The following NUBPL variants were observed in gnomAD, a reference collection of about 807,000 sequenced individuals.
NUBPL encodes NUBP iron-sulfur cluster assembly factor, mitochondrial.
NUBPL carries 31 observed loss-of-function variants against 45.7 expected under a neutral mutation model. The ratio of observed to expected loss-of-function variants is 0.68; its 90% CI spans 0.51 to 0.92. The LOEUF (loss-of-function observed/expected upper bound fraction) is 0.92. NUBPL is among the 40% of genes least tolerant of loss of function. The probability of loss-of-function intolerance (pLI) is 0.00; values close to 1 mark genes in which losing one functional copy is unlikely to be tolerated. For missense variants in NUBPL, 401 were observed against 398.7 expected (o/e 1.01, Z -0.05); for synonymous variants, 144 against 140.9 (o/e 1.02, Z -0.15).
chr14:31,568,487 A>G (rs984173901), intron 3 of NUBPL, among the ~76,000 whole-genome samples: 1 of 152,258 alleles, frequency 6.6e-6, no homozygotes, highest in Non-Finnish European at 1.5e-5. Context: ...CAGAACTAAC[A>G]TTAGAATTCT....
chr14:31,561,428 G>T lies in NUBPL; in HGVS notation c.-12G>T, dbSNP rs781167556. 1 of 1,387,990 alleles carries T rather than the reference G, an allele frequency of 7.2e-7. No homozygotes were observed. The highest frequency in any genetic ancestry group is 2.8e-5 in the Admixed American group (1 of 35,814). The allele number at this position is 1,387,990 out of a possible 1,614,324, so 86.0% of individuals were successfully genotyped here. A position where few individuals can be genotyped will look rare whatever the true frequency, so the allele number is the denominator to read the frequency against. Reference sequence around the variant, plus strand: ...CAGTTTCCCAGCAGGGCTCACAGCAGCGTTCCGCGTCATGGGGATTTGGCA... The same window carrying T: ...CAGTTTCCCAGCAGGGCTCACAGCATCGTTCCGCGTCATGGGGATTTGGCA... On this transcript the variant is annotated 5_prime_UTR_variant, in exon 1 of 11. Coordinates refer to ENST00000281081, the MANE Select transcript of NUBPL (RefSeq NM_025152.3).
intron 6 of NUBPL, among the ~76,000 whole-genome samples, chr14:31,727,825 T>G (rs570750486): frequency 2.0e-4 from 31 of 152,346 alleles, no homozygotes; most frequent in African/African-American, 7.5e-4. Context: ...GTATGTTTTC[T>G]TGTCACATCA....
At chr14:31,629,598 T>C (rs1248282746) in intron 4 of NUBPL, among the ~76,000 whole-genome samples, 1 of 152,142 alleles carries the variant, frequency 6.6e-6, no homozygotes. Flanking sequence ...CACACAGATA[T>C]AGCAGTATAA....
intron 4 of NUBPL, among the ~76,000 whole-genome samples, chr14:31,651,914 GAAA>G (rs1425961523): frequency 6.9e-6 from 1 of 145,084 alleles, no homozygotes; most frequent in African/African-American, 2.6e-5. Context: ...AAAAAAAAAA[GAAA>G]AAAAGAAAAA....
In NUBPL at chr14:31,678,330, A is replaced by T. The variant is rs1231848695; in HGVS notation, c.513+4756A>T. On this transcript the variant is annotated intron_variant, in intron 6 of 10. Coordinates refer to ENST00000281081, the MANE Select transcript of NUBPL (RefSeq NM_025152.3). Reference sequence around the variant, plus strand: ...TAAGGTGCCAGGCAAAGTCTCCTTTACTTTTCCCTTTGCTTTTATCAAGTA... The same window carrying T: ...TAAGGTGCCAGGCAAAGTCTCCTTTTCTTTTCCCTTTGCTTTTATCAAGTA... 2.0e-5 allele frequency among the ~76,000 whole-genome samples: 3 copies of T among 152,144 alleles called. No homozygotes were observed. In the South Asian group the frequency reaches 6.2e-4, roughly 32 times the overall value.
intron 6 of NUBPL, among the ~76,000 whole-genome samples, chr14:31,711,184 G>T (rs1449027077): frequency 6.6e-6 from 1 of 152,172 alleles, no homozygotes; most frequent in Non-Finnish European, 1.5e-5. Context: ...GGACCCCGGA[G>T]CTGAATGGCT....
At chr14:31,777,385 GC>G (rs2039115907) in intron 6 of NUBPL, among the ~76,000 whole-genome samples, 1 of 152,180 alleles carries the variant, frequency 6.6e-6, no homozygotes, top group East Asian at 1.9e-4. Flanking sequence ...CTTATGAGAG[GC>G]ACTCAAATGT....
chr14:31,827,362 A>C (rs1369902645), intron 8 of NUBPL, among the ~76,000 whole-genome samples: 6 of 151,804 alleles, frequency 4.0e-5, no homozygotes, highest in African/African-American at 9.7e-5. Flanking sequence ...AAAAAAAAAA[A>C]AAACTGGATG....
At chr14:31,649,264 G>T (rs1470045251) in intron 4 of NUBPL, among the ~76,000 whole-genome samples, 1 of 152,174 alleles carries the variant, frequency 6.6e-6, no homozygotes, top group African/African-American at 2.4e-5. Context: ...AAATTTACAA[G>T]AGTTGCTTAT....
rs563908295 is a variant in NUBPL at position 31,788,643 on chromosome 14, C to A, written c.607+770C>A. On this transcript the variant is annotated intron_variant, in intron 7 of 10. Coordinates refer to ENST00000281081, the MANE Select transcript of NUBPL (RefSeq NM_025152.3). ...ATTTCCCCTTTGCCCTCTTTCTCTTCATATCAGCATGTACCTAGCTACATT... is the reference window on the plus strand; with the variant it reads ...ATTTCCCCTTTGCCCTCTTTCTCTTAATATCAGCATGTACCTAGCTACATT... Among the ~76,000 whole-genome samples the A allele has an allele frequency of 7.2e-5, 11 of 152,314 alleles. No homozygotes were observed. In the East Asian group the frequency reaches 2.1e-3, roughly 29 times the overall value.
At chr14:31,577,818 C>A (rs1408540713) in intron 3 of NUBPL, 3 of 220,772 alleles carry the variant, frequency 1.4e-5, no homozygotes, top group Non-Finnish European at 2.3e-5. Flanking sequence ...CTTCTTTGCC[C>A]AGCTCCTGTC....
chr14:31,679,367 C>T (rs2036775527), intron 6 of NUBPL, among the ~76,000 whole-genome samples: 1 of 152,054 alleles, frequency 6.6e-6, no homozygotes, highest in Non-Finnish European at 1.5e-5. Context: ...CCTTCTATTC[C>T]ACCATCTTGC....
At chr14:31,588,594 T>C (rs1196471988) in intron 3 of NUBPL, among the ~76,000 whole-genome samples, 1 of 152,118 alleles carries the variant, frequency 6.6e-6, no homozygotes, top group African/African-American at 2.4e-5. Flanking sequence ...CTTTAATATG[T>C]TAATTTTTTT....
At chr14:31,807,570 G>A (rs1457580866) in intron 7 of NUBPL, among the ~76,000 whole-genome samples, 6 of 152,094 alleles carry the variant, frequency 3.9e-5, no homozygotes, top group Non-Finnish European at 7.3e-5. Context: ...CATTCTGTAG[G>A]TTGCCTGTTC....
At chr14:31,582,177 A>T (rs1229904292) in intron 3 of NUBPL, among the ~76,000 whole-genome samples, 13 of 152,094 alleles carry the variant, frequency 8.5e-5, no homozygotes, top group Admixed American at 8.5e-4. Context: ...AAATTTTATC[A>T]TAGTAGGGAC....
intron 8 of NUBPL, among the ~76,000 whole-genome samples, chr14:31,833,903 T>A (rs2040232516): frequency 6.6e-6 from 1 of 152,176 alleles, no homozygotes; most frequent in Admixed American, 6.5e-5. Flanking sequence ...CTAAGAAATA[T>A]CAATTAGTTG....
intron 6 of NUBPL, among the ~76,000 whole-genome samples, chr14:31,675,781 C>G (rs1012754314): frequency 1.3e-5 from 2 of 152,098 alleles, no homozygotes; most frequent in Non-Finnish European, 2.9e-5. Flanking sequence ...CTTTGTTGAG[C>G]TAAAATTATG....
At chr14:31,724,108 A>G (rs146020333) in intron 6 of NUBPL, among the ~76,000 whole-genome samples, 245 of 152,282 alleles carry the variant, frequency 1.6e-3, no homozygotes, top group African/African-American at 3.6e-3. Flanking sequence ...TTTGAGCTCT[A>G]TATAACCTTA....
At chr14:31,691,750 C>T (rs532028214) in intron 6 of NUBPL, among the ~76,000 whole-genome samples, 47 of 152,230 alleles carry the variant, frequency 3.1e-4, no homozygotes, top group African/African-American at 7.5e-4. Context: ...TATACCAGGA[C>T]GGGGCAGTCT....
Sources: gnomAD v4.1 joint callset for allele counts (sites outside exome capture counted in the v4.1 genomes callset) on GRCh38, gnomAD v4.1.1 for gene constraint, MANE v1.5 for transcripts, NCBI Gene and HGNC (gene_info 2026-07-23, HGNC 2026-07-21) for gene names.